The following KCNIP4 variants were observed in gnomAD, a reference collection of about 807,000 sequenced individuals.
The protein encoded by KCNIP4 is Kv channel-interacting protein 4.
Under a neutral mutation model 34.0 loss-of-function variants are expected in KCNIP4, and 12 were observed. That is an observed-to-expected ratio of 0.35 (90% CI 0.23 to 0.57). The LOEUF is 0.57. KCNIP4 is among the 20% of genes least tolerant of loss of function. The pLI is 0.83. For missense variants in KCNIP4, 238 were observed against 311.7 expected, an observed-to-expected ratio of 0.76 and a Z score of 1.78; for synonymous variants, 124 against 102.2, an observed-to-expected ratio of 1.21 and a Z score of -1.29.
chr4:21,159,528 G>A lies in KCNIP4; in HGVS notation c.62-276819C>T, dbSNP rs1285035028. Among the ~76,000 whole-genome samples the A allele has an allele frequency of 1.6e-4, 7 of 44,918 alleles. 3 individuals are homozygous for A. The highest frequency in any genetic ancestry group is 9.1e-4 in the East Asian group (2 of 2,194). 29.5% of individuals were successfully genotyped at this position (44,918 alleles called of 152,430 possible). ...CACTAGGGAGTGCCAGACAGTGGGCGCAGGCCAGTGTGTGTGCGCACCGTG... is the reference window on the plus strand; with the variant it reads ...CACTAGGGAGTGCCAGACAGTGGGCACAGGCCAGTGTGTGTGCGCACCGTG... On this transcript the variant is annotated intron_variant, in intron 1 of 8. Coordinates refer to ENST00000382152, the MANE Select transcript of KCNIP4 (RefSeq NM_025221.6).
intron 3 of KCNIP4, among the ~76,000 whole-genome samples, chr4:20,821,904 C>A (rs1717157499): frequency 6.6e-6 from 1 of 151,746 alleles, no homozygotes. Context: ...CTCACACACA[C>A]ACATTTTCTT....
chr4:20,946,995 C>T (rs1029058176), intron 1 of KCNIP4, among the ~76,000 whole-genome samples: 5 of 152,132 alleles, frequency 3.3e-5, no homozygotes. Context: ...ATAAGTGATG[C>T]TGCCAGCTGT....
chr4:21,131,563 T>C (rs976127694), intron 1 of KCNIP4, among the ~76,000 whole-genome samples: 1 of 152,030 alleles, frequency 6.6e-6, no homozygotes, highest in African/African-American at 2.4e-5. Context: ...TGAGCCGAGA[T>C]TGCACCACTG....
At chr4:21,398,785 T>G (rs1723229142) in intron 1 of KCNIP4, among the ~76,000 whole-genome samples, 2 of 152,226 alleles carry the variant, frequency 1.3e-5, no homozygotes, top group Non-Finnish European at 2.9e-5. Context: ...ACTTTTTCTC[T>G]CTCGTAATCT....
At chr4:21,478,387 A>G (rs574016929) in intron 1 of KCNIP4, among the ~76,000 whole-genome samples, 1 of 152,248 alleles carries the variant, frequency 6.6e-6, no homozygotes, top group Non-Finnish European at 1.5e-5. Context: ...AATACTACAC[A>G]TTCTATATCA....
chr4:20,880,327 TGGA>T (rs1439627907), intron 2 of KCNIP4, among the ~76,000 whole-genome samples: 1 of 152,072 alleles, frequency 6.6e-6, no homozygotes, highest in Non-Finnish European at 1.5e-5. Flanking sequence ...TTTCCAACCC[TGGA>T]GGAGAAGGCG....
intron 2 of KCNIP4, among the ~76,000 whole-genome samples, chr4:20,858,667 A>T (rs1721883501): frequency 1.3e-5 from 2 of 152,226 alleles, no homozygotes; most frequent in Non-Finnish European, 2.9e-5. Flanking sequence ...AGTAAACAAG[A>T]TGAAGACAAG....
At chr4:21,607,192 T>C (rs1743769017) in intron 1 of KCNIP4, among the ~76,000 whole-genome samples, 2 of 150,758 alleles carry the variant, frequency 1.3e-5, no homozygotes, top group Non-Finnish European at 3.0e-5. Flanking sequence ...ACATACTAAC[T>C]ATGCAACTCT....
chr4:21,754,788 G>A (rs34099045), intron 1 of KCNIP4, among the ~76,000 whole-genome samples: 13,999 of 152,128 alleles, frequency 0.092, 675 homozygotes, highest in Middle Eastern at 0.17. Flanking sequence ...AACTACAAAC[G>A]TAATTCTGAA....
chr4:21,618,043 AT>A (rs1465392301), intron 1 of KCNIP4, among the ~76,000 whole-genome samples: 1 of 152,198 alleles, frequency 6.6e-6, no homozygotes, highest in Non-Finnish European at 1.5e-5. Context: ...CTAAATTGTA[AT>A]AGGTTGTATA....
chr4:21,379,404 G>C (rs1721269206), intron 1 of KCNIP4, among the ~76,000 whole-genome samples: 1 of 152,130 alleles, frequency 6.6e-6, no homozygotes, highest in Admixed American at 6.6e-5. Flanking sequence ...CAGTCAGAGT[G>C]ACTCTTTTAA....
intron 1 of KCNIP4, among the ~76,000 whole-genome samples, chr4:21,470,075 C>T (rs531177620): frequency 1.3e-5 from 2 of 152,282 alleles, no homozygotes; most frequent in African/African-American, 4.8e-5. Flanking sequence ...ATACATAAAG[C>T]TATGACTCAG....
intron 8 of KCNIP4, chr4:20,731,260 G>T: frequency 2.8e-6 from 1 of 351,600 alleles, no homozygotes; most frequent in Non-Finnish European, 4.0e-6. Context: ...TGTAGAGATA[G>T]ATAGGGTCTT....
intron 1 of KCNIP4, among the ~76,000 whole-genome samples, chr4:21,567,612 T>C (rs1740013191): frequency 6.6e-6 from 1 of 152,184 alleles, no homozygotes; most frequent in Non-Finnish European, 1.5e-5. Flanking sequence ...TAACATGTCA[T>C]ATAGCCAGCA....
At chr4:21,346,749 G>T (rs1235543393) in intron 1 of KCNIP4, among the ~76,000 whole-genome samples, 2 of 151,996 alleles carry the variant, frequency 1.3e-5, no homozygotes, top group Non-Finnish European at 2.9e-5. Context: ...TTTCTAAAAA[G>T]CTCCCAGGTG....
chr4:21,925,053 T>C (rs1219245308), intron 1 of KCNIP4, among the ~76,000 whole-genome samples: 2 of 152,186 alleles, frequency 1.3e-5, no homozygotes, highest in Non-Finnish European at 2.9e-5. Flanking sequence ...TGTCAACTCT[T>C]AGAAGATGTC....
At chr4:20,841,079 T>C (rs1290700369) in intron 3 of KCNIP4, among the ~76,000 whole-genome samples, 1 of 152,188 alleles carries the variant, frequency 6.6e-6, no homozygotes, top group Non-Finnish European at 1.5e-5. Flanking sequence ...GTAGTTCTTT[T>C]ACTAAAGGAG....
chr4:21,760,250 T>A (rs1717953804), intron 1 of KCNIP4, among the ~76,000 whole-genome samples: 1 of 152,050 alleles, frequency 6.6e-6, no homozygotes, highest in East Asian at 1.9e-4. Context: ...TAGAATCTAG[T>A]GGTTCCATGA....
At chr4:21,010,768 T>C (rs114797453) in intron 1 of KCNIP4, among the ~76,000 whole-genome samples, 146 of 152,324 alleles carry the variant, frequency 9.6e-4, no homozygotes, top group African/African-American at 3.2e-3. Context: ...GGTAAAAATA[T>C]TGAAACACAA....
Sources: gnomAD v4.1 joint callset for allele counts (sites outside exome capture counted in the v4.1 genomes callset) on GRCh38, gnomAD v4.1.1 for gene constraint, MANE v1.5 for transcripts, NCBI Gene and HGNC (gene_info 2026-07-23, HGNC 2026-07-21) for gene names.